Variants in VCPIP1 observed in about 807,000 individuals in gnomAD.
VCPIP1 encodes valosin containing protein interacting protein 1.
Under a neutral mutation model 85.0 loss-of-function variants are expected in VCPIP1, and 8 were observed. That is an observed-to-expected ratio of 0.09 (90% CI 0.06 to 0.17). The LOEUF (loss-of-function observed/expected upper bound fraction) is 0.17. Ranked by LOEUF, VCPIP1 falls within the 10% of genes least tolerant of loss-of-function variation. The pLI is 1.00. For synonymous variants in VCPIP1, 543 were observed against 544.5 expected, an observed-to-expected ratio of 1.00 and a Z score of 0.04; for missense variants, 1,070 against 1,486.3, an observed-to-expected ratio of 0.72 and a Z score of 4.61.
chr8:66,661,501 C>T (rs543461770), intron 1 of VCPIP1, among the ~76,000 whole-genome samples: 14 of 152,022 alleles, frequency 9.2e-5, no homozygotes, highest in African/African-American at 2.7e-4. Context: ...TTTGGGAGGC[C>T]GAGGCGGGCG....
rs548937169 is a variant in VCPIP1 at position 66,633,481 on chromosome 8, T to C, written c.*1020A>G. The C allele has an allele frequency of 1.3e-5, 2 of 151,486 alleles. No homozygotes were observed. The highest frequency in any genetic ancestry group is 3.9e-4 in the East Asian group (2 of 5,144). The allele number at this position is 151,486 out of a possible 1,614,324, so 9.4% of individuals were successfully genotyped here. On this transcript the variant is annotated 3_prime_UTR_variant, in exon 3 of 3. Coordinates refer to ENST00000310421, the MANE Select transcript of VCPIP1 (RefSeq NM_025054.5). ...AGATTTGATGAATACACTAAGCAAA[T>C]ACCCAGCTGATCAGGGTGTGATGCA... is the stretch of plus-strand genomic sequence containing the variant.
At chr8:66,645,053 T>C (rs1388300305) in intron 2 of VCPIP1, among the ~76,000 whole-genome samples, 1 of 149,252 alleles carries the variant, frequency 6.7e-6, no homozygotes, top group Non-Finnish European at 1.5e-5. Flanking sequence ...GTGGTGGGGG[T>C]TGCAGTGGGC....
intron 2 of VCPIP1, among the ~76,000 whole-genome samples, chr8:66,648,591 G>A (rs947630231): frequency 6.6e-6 from 1 of 151,422 alleles, no homozygotes; most frequent in African/African-American, 2.4e-5. Flanking sequence ...GTCTCACTCT[G>A]TCACCCAGGC....
In VCPIP1 at chr8:66,633,486, A is replaced by G. The variant is rs1810853771; in HGVS notation, c.*1015T>C. On this transcript the variant is annotated 3_prime_UTR_variant, in exon 3 of 3. Transcript: ENST00000310421. ...TGATGAATACACTAAGCAAATACCC[A>G]GCTGATCAGGGTGTGATGCAGTAAA... The G allele has an allele frequency of 6.6e-6, 1 of 152,304 alleles. No homozygotes were observed. The highest frequency in any genetic ancestry group is 2.4e-5 in the African/African-American group (1 of 41,420). 9.4% of individuals were successfully genotyped at this position (152,304 alleles called of 1,614,324 possible). A position where few individuals can be genotyped will look rare whatever the true frequency, so the allele number is the denominator to read the frequency against.
At chr8:66,648,799 T>C (rs973374526) in intron 2 of VCPIP1, among the ~76,000 whole-genome samples, 1 of 151,984 alleles carries the variant, frequency 6.6e-6, no homozygotes, top group African/African-American at 2.4e-5. Context: ...TCAAGTGATC[T>C]GCCCAACTCG....
In VCPIP1 at chr8:66,667,213, C is replaced by T. The variant is rs764441958; in HGVS notation, c.-255G>A. The T allele has an allele frequency of 1.5e-6, 1 of 648,342 alleles. No homozygotes were observed. Among genetic ancestry groups the T allele is most frequent in the Admixed American group, 3.5e-5 (1 of 28,190 alleles). 40.2% of individuals were successfully genotyped at this position (648,342 alleles called of 1,614,324 possible). A position where few individuals can be genotyped will look rare whatever the true frequency, so the allele number is the denominator to read the frequency against. Reference sequence around the variant, plus strand: ...CCGCACTCACACTCACTCACTCTCGCTCTCTCTCCCTCAGACACAGACATA... The same window carrying T: ...CCGCACTCACACTCACTCACTCTCGTTCTCTCTCCCTCAGACACAGACATA... On this transcript the variant is annotated 5_prime_UTR_variant, in exon 1 of 3. Coordinates refer to ENST00000310421, the MANE Select transcript of VCPIP1 (RefSeq NM_025054.5).
At chr8:66,651,417 A>G (rs1563569457) in intron 2 of VCPIP1, 41 bp downstream of exon 2, 1 of 1,430,104 alleles carries the variant, frequency 7.0e-7, no homozygotes, top group South Asian at 1.2e-5. Context: ...AAACAGCTTC[A>G]GTAGAGCTAT....
Position 66,664,362 on chromosome 8 carries a change from G to A in VCPIP1, c.2597C>T (p.Ala866Val), listed in dbSNP as rs773743257. The change falls in exon 1 of 3, where the codon GCC becomes GTC. Residue 866 changes from alanine to valine, a missense_variant. Physicochemically the swap from Ala to Val is moderately conservative, Grantham distance 64 (BLOSUM62 0). Coordinates refer to ENST00000310421, the MANE Select transcript of VCPIP1 (RefSeq NM_025054.5). ...EGGQSAAAHS[A>V]HTVKQEDIAV... ...AATATCTTCTTGTTTCACAGTGTGG[G>A]CTGAGTGTGCTGCAGCAGACTGACC... The A allele has an allele frequency of 6.2e-7, 1 of 1,613,852 alleles. No homozygotes were observed. Among genetic ancestry groups the A allele is most frequent in the South Asian group, 1.1e-5 (1 of 91,082 alleles).
At chr8:66,662,660 T>C (rs1234278447) in intron 1 of VCPIP1, among the ~76,000 whole-genome samples, 2 of 151,886 alleles carry the variant, frequency 1.3e-5, no homozygotes, top group Non-Finnish European at 2.9e-5. Context: ...AGATTGAAGG[T>C]CTTTTATTTA....
At chr8:66,638,968 C>CTATATATATA (rs1432062184) in intron 2 of VCPIP1, among the ~76,000 whole-genome samples, 12 of 127,024 alleles carry the variant, frequency 9.4e-5, no homozygotes, top group African/African-American at 3.9e-4. Flanking sequence ...CTCTCTCTCT[C>CTATATATATA]TCTATATATA....
intron 1 of VCPIP1, among the ~76,000 whole-genome samples, chr8:66,661,863 A>C (rs1811161470): frequency 6.7e-6 from 1 of 148,336 alleles, no homozygotes; most frequent in Admixed American, 6.7e-5. Flanking sequence ...TCCCCGGTTC[A>C]CAAGATTCTC....
Position 66,630,735 on chromosome 8 carries a change from T to C in VCPIP1, c.*3766A>G, listed in dbSNP as rs1458659762. The C allele has an allele frequency of 1.3e-5, 2 of 152,600 alleles. No individual in the cohort carries two copies. The highest frequency in any genetic ancestry group is 2.9e-5 in the Non-Finnish European group (2 of 68,004). 9.5% of individuals were successfully genotyped at this position (152,600 alleles called of 1,614,324 possible). A position where few individuals can be genotyped will look rare whatever the true frequency, so the allele number is the denominator to read the frequency against. On this transcript the variant is annotated 3_prime_UTR_variant, in exon 3 of 3. Coordinates refer to ENST00000310421, the MANE Select transcript of VCPIP1 (RefSeq NM_025054.5). Reference sequence around the variant, plus strand: ...ATAATTTTTACAATTTCTGCTATTTTGGAACAAACATTAAAATTCCCACGA... The same window carrying C: ...ATAATTTTTACAATTTCTGCTATTTCGGAACAAACATTAAAATTCCCACGA...
chr8:66,634,526 G>C lies in VCPIP1; in HGVS notation c.3644C>G (p.Thr1215Arg), dbSNP rs761352657. Residue 1215 changes from threonine to arginine, a missense_variant, in exon 3 of 3, where the codon ACA becomes AGA. Around this residue, in one of 8 missense-constraint regions of VCPIP1, gnomAD observed 255 missense variants for 289.5 expected, o/e 0.88. Transcript: ENST00000310421. ...MDSQDAEMTN[T>R]TEPMDHS is the part of the protein sequence containing the mutation. ...TCAAGAGTGATCCATTGGCTCAGTT[G>C]TGTTAGTCATCTCAGCATCTTGACT... is the stretch of plus-strand genomic sequence containing the variant. 6 of 1,608,302 alleles carry C rather than the reference G, an allele frequency of 3.7e-6. No individual in the cohort carries two copies. Among genetic ancestry groups the C allele is most frequent in the Non-Finnish European group, 5.1e-6 (6 of 1,177,550 alleles).
At chr8:66,655,040 T>C (rs1811086684) in intron 1 of VCPIP1, among the ~76,000 whole-genome samples, 1 of 152,216 alleles carries the variant, frequency 6.6e-6, no homozygotes, top group South Asian at 2.1e-4. Context: ...TCAATCTAGG[T>C]ATCACTTCCT....
At chr8:66,653,093 A>T (rs955516734) in intron 1 of VCPIP1, among the ~76,000 whole-genome samples, 1 of 152,230 alleles carries the variant, frequency 6.6e-6, no homozygotes, top group Non-Finnish European at 1.5e-5. Flanking sequence ...ATACCAGCTT[A>T]AAGTAGACAA....
intron 2 of VCPIP1, among the ~76,000 whole-genome samples, chr8:66,644,097 TAAAG>T (rs1264106037): frequency 6.6e-6 from 1 of 152,084 alleles, no homozygotes; most frequent in Non-Finnish European, 1.5e-5. Flanking sequence ...AGTACTCTAT[TAAAG>T]AAATTAAATT....
Position 66,664,596 on chromosome 8 carries a change from A to G in VCPIP1, c.2363T>C (p.Met788Thr). 1 of 1,614,164 alleles carries G rather than the reference A, an allele frequency of 6.2e-7. No homozygotes were observed. Among genetic ancestry groups the G allele is most frequent in the Non-Finnish European group, 8.5e-7 (1 of 1,180,026 alleles). Residue 788 changes from methionine (M) to threonine (T), a missense_variant, in exon 1 of 3, where the codon ATG (methionine) becomes ACG (threonine). Coordinates refer to ENST00000310421, the MANE Select transcript of VCPIP1 (RefSeq NM_025054.5). ...GGTTGTTGAAGACTTAAGGGTAACC[A>G]TGGACTGTCGTCCATCATTAGTTGT... ...RITTNDGRQS[M>T]VTLKSSTTFF... is the part of the protein sequence containing the mutation.
At position 66,665,729 on chromosome 8, in the gene VCPIP1, T is replaced by C; in HGVS notation, c.1230A>G (p.Leu410=). 6.2e-7 allele frequency: 1 copy of C among 1,614,172 alleles called. No homozygotes were observed. Among genetic ancestry groups the C allele is most frequent in the Non-Finnish European group, 8.5e-7 (1 of 1,180,028 alleles). Residue 410 remains leucine (L), a synonymous_variant, in exon 1 of 3, where the codon TTA becomes TTG. Transcript: ENST00000310421. This position sits in a 1 kb window ranked among gnomAD's most constrained non-coding sequence, Gnocchi z 4.3. ...CTTCCATAGCAGCAACAAGCCTAAGTAAGTATTTATCTTGCAAACTTCTGT... is the reference window on the plus strand; with the variant it reads ...CTTCCATAGCAGCAACAAGCCTAAGCAAGTATTTATCTTGCAAACTTCTGT... ...GGDRSLQDKY[L]LRLVAAMEEV...
chr8:66,658,975 T>C (rs1811127655), intron 1 of VCPIP1, among the ~76,000 whole-genome samples: 1 of 152,164 alleles, frequency 6.6e-6, no homozygotes, highest in Non-Finnish European at 1.5e-5. Context: ...AGCAAGGAAG[T>C]GTCATGTAGC....
Sources: gnomAD v4.1 joint callset for allele counts (sites outside exome capture counted in the v4.1 genomes callset) on GRCh38, gnomAD v4.1.1 for gene constraint, gnomAD v4.1.1 regional missense constraint, Gnocchi (gnomAD v3.1) non-coding constraint, MANE v1.5 for transcripts, NCBI Gene and HGNC (gene_info 2026-07-23, HGNC 2026-07-21) for gene names.